Variants in NLN observed in about 807,000 individuals in gnomAD.
The protein encoded by NLN is neurolysin, mitochondrial.
Under a neutral mutation model 79.9 loss-of-function variants are expected in NLN, and 64 were observed. That is an observed-to-expected ratio of 0.80 (90% CI 0.65 to 0.99). The LOEUF is 0.99. NLN is among the 50% of genes least tolerant of loss of function. The probability of loss-of-function intolerance (pLI) is 0.00; values close to 1 mark genes in which losing one functional copy is unlikely to be tolerated. For missense variants in NLN, 835 were observed against 858.7 expected (o/e 0.97, Z 0.34); for synonymous variants, 267 against 296.6 (o/e 0.90, Z 1.02).
At chr5:65,791,300 A>G (rs1296894809) in intron 8 of NLN, among the ~76,000 whole-genome samples, 1 of 152,018 alleles carries the variant, frequency 6.6e-6, no homozygotes, top group Non-Finnish European at 1.5e-5. Flanking sequence ...ACTCACACCT[A>G]TAGTCCCAGC....
intron 8 of NLN, among the ~76,000 whole-genome samples, chr5:65,789,735 A>C (rs1188914647): frequency 6.6e-6 from 1 of 152,250 alleles, no homozygotes; most frequent in Non-Finnish European, 1.5e-5. Context: ...GCGACAGAGC[A>C]AGATTCTAAC....
At chr5:65,813,878 C>T (rs1760610870) in intron 12 of NLN, among the ~76,000 whole-genome samples, 1 of 151,442 alleles carries the variant, frequency 6.6e-6, no homozygotes, top group East Asian at 1.9e-4. Flanking sequence ...TGCAGTGAGC[C>T]GAGATCATGC....
rs562765201 is a variant in NLN at position 65,738,248 on chromosome 5, G to A, written c.41+15834G>A. On this transcript the variant is annotated intron_variant, in intron 1 of 12. Coordinates refer to ENST00000380985, the MANE Select transcript of NLN (RefSeq NM_020726.5). ...ATAAGTACCACAGAGTGGAGAGATTGATATGGAAGATCAGGGAAAAGATAT... is the reference window on the plus strand; with the variant it reads ...ATAAGTACCACAGAGTGGAGAGATTAATATGGAAGATCAGGGAAAAGATAT... 3.9e-5 allele frequency among the ~76,000 whole-genome samples: 6 copies of A among 152,192 alleles called. No individual in the cohort carries two copies. In the East Asian group the frequency reaches 9.7e-4, roughly 25 times the overall value.
intron 2 of NLN, among the ~76,000 whole-genome samples, chr5:65,762,453 G>A (rs150655871): frequency 6.6e-6 from 1 of 152,170 alleles, no homozygotes; most frequent in African/African-American, 2.4e-5. Flanking sequence ...AGGAGGCTGA[G>A]GTGGGAGGAT....
rs781323874 is a variant in NLN at position 65,792,584 on chromosome 5, C to G, written c.1456C>G (p.Leu486Val). The change falls in exon 9 of 13, where the codon CTC (leucine) becomes GTC (valine). Residue 486 changes from leucine (L) to valine (V), a missense_variant. By Grantham distance (32) the Leu-to-Val change is conservative. Coordinates refer to ENST00000380985, the MANE Select transcript of NLN (RefSeq NM_020726.5). ...FSQPVAGRPS[L>V]LRHDEVRTYF... ...ACAGCCAGTGGCAGGTCGTCCCTCT[C>G]TCCTGAGACACGACGAGGTGAGGAC... The G allele has an allele frequency of 6.2e-7, 1 of 1,613,918 alleles. No individual in the cohort carries two copies.
intron 2 of NLN, among the ~76,000 whole-genome samples, chr5:65,760,836 T>A (rs969433238): frequency 6.6e-6 from 1 of 152,206 alleles, no homozygotes; most frequent in African/African-American, 2.4e-5. Flanking sequence ...AACAAAATCT[T>A]TATAAAATAA....
At chr5:65,738,980 T>TATAAA (rs1429675157) in intron 1 of NLN, among the ~76,000 whole-genome samples, 3,011 of 21,116 alleles carry the variant, frequency 0.14, 277 homozygotes, top group South Asian at 0.25. Context: ...AATATATATA[T>TATAAA]TATATATTTA....
intron 11 of NLN, among the ~76,000 whole-genome samples, chr5:65,811,133 A>G (rs1463539449): frequency 6.6e-6 from 1 of 152,224 alleles, no homozygotes; most frequent in Non-Finnish European, 1.5e-5. Context: ...GTTTTAAGCC[A>G]ATATATAGTT....
chr5:65,777,366 A>G, intron 3 of NLN, 61 bp from the exon 4 acceptor site: 1 of 1,069,160 alleles, frequency 9.4e-7, no homozygotes. Flanking sequence ...GTGGCCTCAT[A>G]GTTTATAATT....
At chr5:65,758,107 T>G (rs898329136) in intron 1 of NLN, among the ~76,000 whole-genome samples, 1 of 151,934 alleles carries the variant, frequency 6.6e-6, no homozygotes. Flanking sequence ...TGGTGGTATG[T>G]CCCCTGTAGT....
intron 1 of NLN, among the ~76,000 whole-genome samples, chr5:65,749,934 T>C (rs1235282353): frequency 6.6e-6 from 1 of 152,240 alleles, no homozygotes; most frequent in Non-Finnish European, 1.5e-5. Flanking sequence ...TCCTTATTTC[T>C]GCATGTTGTG....
Position 65,822,769 on chromosome 5 carries a change from T to G in NLN, c.1981-12T>G. 6.2e-7 allele frequency: 1 copy of G among 1,604,614 alleles called. No homozygotes were observed. Among genetic ancestry groups the G allele is most frequent in the South Asian group, 1.1e-5 (1 of 90,902 alleles). ...ACCATGAATTATTAGGTATGATGTT[T>G]TATTTTATTAGGTTGGAATGAAATA... On this transcript the variant is annotated splice_polypyrimidine_tract_variant and intron_variant, in intron 12 of 12. Coordinates refer to ENST00000380985, the MANE Select transcript of NLN (RefSeq NM_020726.5).
At chr5:65,791,800 A>AAATGAAGTGTGATAGCTTTTGGAG (rs1490809007) in intron 8 of NLN, among the ~76,000 whole-genome samples, 1 of 152,210 alleles carries the variant, frequency 6.6e-6, no homozygotes, top group African/African-American at 2.4e-5. Flanking sequence ...CGTACTCCCA[A>AAATGAAGTGTGATAGCTTTTGGAG]AATGAAGTCT....
chr5:65,808,153 TG>T (rs1238046768), intron 9 of NLN, among the ~76,000 whole-genome samples: 4 of 152,312 alleles, frequency 2.6e-5, no homozygotes, highest in African/African-American at 9.6e-5. Flanking sequence ...CTTTAATATT[TG>T]CATCTCTTCA....
At chr5:65,736,562 T>C (rs1561179179) in intron 1 of NLN, among the ~76,000 whole-genome samples, 1 of 152,246 alleles carries the variant, frequency 6.6e-6, no homozygotes, top group Non-Finnish European at 1.5e-5. Context: ...ATTGATCCAC[T>C]GTCCTTAGCA....
chr5:65,755,056 T>C (rs1007853937), intron 1 of NLN, among the ~76,000 whole-genome samples: 2 of 152,216 alleles, frequency 1.3e-5, no homozygotes, highest in Non-Finnish European at 2.9e-5. Context: ...TACTATAACC[T>C]GACTACTCCC....
chr5:65,763,103 T>G lies in NLN; in HGVS notation c.445T>G (p.Leu149Val). 1.2e-6 allele frequency: 2 copies of G among 1,613,338 alleles called. No homozygotes were observed. Among genetic ancestry groups the G allele is most frequent in the Non-Finnish European group, 1.7e-6 (2 of 1,179,510 alleles). ...AGATATATTTGAGAGAATTGTTCAT[T>G]TACAGGTAAGTGGTGTTATAAATCC... ...RGDIFERIVH[L>V]QETCDLGKIK... The change falls in exon 3 of 13, where the codon TTA becomes GTA. Residue 149 changes from leucine (L) to valine (V), a missense_variant. Leu to Val is a conservative substitution (Grantham distance 32, BLOSUM62 1). Coordinates refer to ENST00000380985, the MANE Select transcript of NLN (RefSeq NM_020726.5).
intron 1 of NLN, among the ~76,000 whole-genome samples, chr5:65,727,489 A>C (rs1265424443): frequency 6.6e-6 from 1 of 152,052 alleles, no homozygotes; most frequent in East Asian, 1.9e-4. Flanking sequence ...TATATTGTAA[A>C]ATGAAAAGGA....
intron 1 of NLN, among the ~76,000 whole-genome samples, chr5:65,731,768 T>C (rs1275047227): frequency 2.7e-3 from 230 of 85,830 alleles, no homozygotes; most frequent in Non-Finnish European, 4.3e-3. Flanking sequence ...TTTTTTTTTT[T>C]CAGACAGAGT....
Sources: gnomAD v4.1 joint callset for allele counts (sites outside exome capture counted in the v4.1 genomes callset) on GRCh38, gnomAD v4.1.1 for gene constraint, MANE v1.5 for transcripts, NCBI Gene and HGNC (gene_info 2026-07-23, HGNC 2026-07-21) for gene names.